The following MARCHF1 variants were observed in gnomAD, a reference collection of about 807,000 sequenced individuals.
MARCHF1 encodes the protein E3 ubiquitin-protein ligase MARCHF1.
In MARCHF1, 40 loss-of-function variants were observed where a neutral mutation model predicts 54.2. The observed-to-expected ratio is 0.74, with a 90% CI of 0.57 to 0.96. The LOEUF is 0.96. Ranked by LOEUF, MARCHF1 falls within the 40% of genes least tolerant of loss-of-function variation. The probability of loss-of-function intolerance (pLI) is 0.00; values close to 1 mark genes in which losing one functional copy is unlikely to be tolerated. For synonymous variants in MARCHF1, 236 were observed against 236.3 expected, an observed-to-expected ratio of 1.00 and a Z score of 0.01; for missense variants, 586 against 656.5, an observed-to-expected ratio of 0.89 and a Z score of 1.17.
chr4:164,117,997 T>C (rs1197939749), intron 1 of MARCHF1, among the ~76,000 whole-genome samples: 2 of 152,002 alleles, frequency 1.3e-5, no homozygotes, highest in Non-Finnish European at 2.9e-5. Flanking sequence ...TTATTAATGA[T>C]AGAATACAGA....
rs142090988 is a variant in MARCHF1, at chr4:163,910,557, C to T, written c.-38-56388G>A. On this transcript the variant is annotated intron_variant, in intron 3 of 9. Coordinates refer to ENST00000514618, the MANE Select transcript of MARCHF1 (RefSeq NM_001394959.1). ...TTGTCCAGGCAGAAGTGCAATGGCG[C>T]GATCTTGGCTCACTGCACCCTTCAC... Among the ~76,000 whole-genome samples the T allele has an allele frequency of 5.8e-4, 89 of 152,258 alleles. No homozygotes were observed. The East Asian group carries it at 0.014, about 24-fold the overall frequency.
chr4:163,828,014 T>TACAC lies in MARCHF1; in HGVS notation c.111+26003_111+26006dup, dbSNP rs748460236. On this transcript the variant is annotated intron_variant, in intron 4 of 9. Transcript: ENST00000514618. ...CTCCCTCCAAAAGTGTGCGCAGGCA[T>TACAC]ACACACACACACACACACACACACA... 4.2e-3 allele frequency among the ~76,000 whole-genome samples: 522 copies of TACAC among 124,560 alleles called. 5 individuals carry two copies. Among genetic ancestry groups the TACAC allele is most frequent in the East Asian group, 0.021 (71 of 3,424 alleles). 81.7% of individuals were successfully genotyped at this position (124,560 alleles called of 152,430 possible).
chr4:164,310,475 T>C (rs1213200302), intron 1 of MARCHF1, among the ~76,000 whole-genome samples: 1 of 151,900 alleles, frequency 6.6e-6, no homozygotes, highest in African/African-American at 2.4e-5. Flanking sequence ...TTCCAAATCA[T>C]TAGGAAAAAT....
chr4:164,107,067 A>C (rs887749550), intron 2 of MARCHF1, among the ~76,000 whole-genome samples: 1 of 152,198 alleles, frequency 6.6e-6, no homozygotes, highest in African/African-American at 2.4e-5. Context: ...TCTCTTGATG[A>C]ACTGCTATCC....
At chr4:163,675,825 C>T (rs982270026) in intron 5 of MARCHF1, among the ~76,000 whole-genome samples, 1 of 152,148 alleles carries the variant, frequency 6.6e-6, no homozygotes, top group Non-Finnish European at 1.5e-5. Flanking sequence ...CCTGCTACAA[C>T]AGCTTTCACC....
At chr4:164,373,827 G>A (rs1241163125) in intron 1 of MARCHF1, among the ~76,000 whole-genome samples, 2 of 152,168 alleles carry the variant, frequency 1.3e-5, no homozygotes, top group African/African-American at 2.4e-5. Context: ...AAGAGAGAAT[G>A]AGTGGCTTGT....
chr4:163,784,111 T>C (rs1432061762), intron 4 of MARCHF1, among the ~76,000 whole-genome samples: 1 of 151,936 alleles, frequency 6.6e-6, no homozygotes, highest in African/African-American at 2.4e-5. Context: ...TTATGATTGA[T>C]GAAAATATGA....
intron 4 of MARCHF1, among the ~76,000 whole-genome samples, chr4:163,817,950 G>C (rs1233848372): frequency 7.9e-6 from 1 of 125,850 alleles, no homozygotes; most frequent in African/African-American, 3.1e-5. Context: ...ATCACACTCT[G>C]GGGACTGTTG....
rs117831727 is a variant in MARCHF1 at position 163,970,667 on chromosome 4, A to G, written c.-39+17834T>C. ...CTGTAACATTTTGGGTCATATTGGT[A>G]TATAAAATTCAGGAGTTTATTTCTA... On this transcript the variant is annotated intron_variant, in intron 3 of 9. Transcript: ENST00000514618. Among the ~76,000 whole-genome samples the G allele has an allele frequency of 9.4e-4, 143 of 152,354 alleles. 2 individuals carry two copies. The East Asian group carries it at 0.027, about 29-fold the overall frequency.
chr4:164,111,032 T>C (rs1233039798), intron 2 of MARCHF1, among the ~76,000 whole-genome samples: 1 of 151,840 alleles, frequency 6.6e-6, no homozygotes, highest in Non-Finnish European at 1.5e-5. Context: ...AAGTGTTATA[T>C]TCTAATCCAT....
intron 1 of MARCHF1, among the ~76,000 whole-genome samples, chr4:164,186,112 C>T (rs1214333335): frequency 3.3e-5 from 5 of 152,208 alleles, no homozygotes; most frequent in Middle Eastern, 3.4e-3. Context: ...AGGCTGGTCT[C>T]GAACTTCTGA....
At chr4:163,532,363 T>C (rs549023207) in intron 9 of MARCHF1, among the ~76,000 whole-genome samples, 1 of 151,900 alleles carries the variant, frequency 6.6e-6, no homozygotes, top group African/African-American at 2.4e-5. Flanking sequence ...AAATGGGTGC[T>C]GGTATAACAA....
At chr4:163,595,753 G>C (rs1391424327) in intron 7 of MARCHF1, among the ~76,000 whole-genome samples, 3 of 152,056 alleles carry the variant, frequency 2.0e-5, no homozygotes, top group Non-Finnish European at 2.9e-5. Context: ...GCTGGGGAGA[G>C]GGGAAAATGG....
At chr4:164,012,507 G>A (rs1350708051) in intron 2 of MARCHF1, among the ~76,000 whole-genome samples, 1 of 152,088 alleles carries the variant, frequency 6.6e-6, no homozygotes, top group African/African-American at 2.4e-5. Flanking sequence ...GACTAAAGTG[G>A]TCTTGGGCTT....
At chr4:164,256,894 A>T (rs1733304730) in intron 1 of MARCHF1, among the ~76,000 whole-genome samples, 1 of 152,158 alleles carries the variant, frequency 6.6e-6, no homozygotes, top group African/African-American at 2.4e-5. Flanking sequence ...TTCTATTTCC[A>T]AGAGTACTTT....
intron 1 of MARCHF1, among the ~76,000 whole-genome samples, chr4:164,221,000 C>T (rs1249325235): frequency 2.0e-5 from 3 of 151,696 alleles, no homozygotes; most frequent in Non-Finnish European, 4.4e-5. Flanking sequence ...GTCTGAAAAA[C>T]GTGGAAAACA....
At chr4:163,974,691 T>C (rs1213046285) in intron 3 of MARCHF1, among the ~76,000 whole-genome samples, 2 of 152,206 alleles carry the variant, frequency 1.3e-5, no homozygotes, top group African/African-American at 4.8e-5. Context: ...AGTGCTATCA[T>C]AAAAACCCAA....
At chr4:163,926,788 T>A (rs999560654) in intron 3 of MARCHF1, among the ~76,000 whole-genome samples, 3 of 151,616 alleles carry the variant, frequency 2.0e-5, no homozygotes, top group African/African-American at 7.3e-5. Flanking sequence ...GATTACTATT[T>A]CTAATCCACA....
chr4:164,383,255 T>C (rs1731428031), intron 1 of MARCHF1: 1 of 152,300 alleles, frequency 6.6e-6, no homozygotes, highest in African/African-American at 2.4e-5. Flanking sequence ...AGGAACACAA[T>C]GACATCTCTC....
Sources: allele counts gnomAD v4.1 joint callset (sites outside exome capture counted in the v4.1 genomes callset), GRCh38; gene constraint gnomAD v4.1.1; transcripts MANE v1.5; gene names NCBI Gene and HGNC (gene_info 2026-07-23, HGNC 2026-07-21).